The following LRGUK variants were observed in gnomAD, a reference collection of about 807,000 sequenced individuals.
The protein encoded by LRGUK is leucine rich repeats and guanylate kinase domain containing.
LRGUK carries 65 observed loss-of-function variants against 76.0 expected under a neutral mutation model. The ratio of observed to expected loss-of-function variants is 0.85; its 90% confidence interval spans 0.70 to 1.05. The LOEUF (loss-of-function observed/expected upper bound fraction) is 1.05, where lower values mean the gene tolerates loss of function less well. LRGUK is among the 50% of genes least tolerant of loss of function. LRGUK has a pLI of 0.00. For missense variants in LRGUK, 758 were observed against 732.8 expected, an observed-to-expected ratio of 1.03 and a Z score of -0.40; for synonymous variants, 268 against 265.6, an observed-to-expected ratio of 1.01 and a Z score of -0.09.
chr7:134,237,509 C>T (rs780213320), intron 16 of LRGUK, among the ~76,000 whole-genome samples: 4 of 152,154 alleles, frequency 2.6e-5, no homozygotes, highest in Non-Finnish European at 5.9e-5. Flanking sequence ...TTCATATTAT[C>T]TTACCTTTGG....
At chr7:134,210,524 G>T (rs902181989), downstream of LRGUK, among the ~76,000 whole-genome samples, 1 of 152,070 alleles carries the variant, frequency 6.6e-6, no homozygotes, top group African/African-American at 2.4e-5. Flanking sequence ...TAAAACTCCC[G>T]TCAATGGTGA....
chr7:134,239,546 G>T (rs1438104286), intron 16 of LRGUK, among the ~76,000 whole-genome samples: 4 of 152,344 alleles, frequency 2.6e-5, no homozygotes, highest in African/African-American at 4.8e-5. Flanking sequence ...AAACAAAGAG[G>T]CTGGGAAGCT....
chr7:134,139,717 T>A (rs1478187843), intron 3 of LRGUK, among the ~76,000 whole-genome samples, 200 bp downstream of exon 3: 1 of 152,198 alleles, frequency 6.6e-6, no homozygotes, highest in Non-Finnish European at 1.5e-5. Context: ...TATGATGATG[T>A]GGCTGAGATG....
intron 11 of LRGUK, among the ~76,000 whole-genome samples, chr7:134,186,187 C>T (rs2117031967): frequency 6.6e-6 from 1 of 152,280 alleles, no homozygotes; most frequent in Non-Finnish European, 1.5e-5. Context: ...CTGTGATATG[C>T]TACTGCTAAG....
At chr7:134,232,040 C>A (rs567961941) in intron 16 of LRGUK, among the ~76,000 whole-genome samples, 2 of 152,120 alleles carry the variant, frequency 1.3e-5, no homozygotes, top group South Asian at 4.2e-4. Context: ...TTTTCAATAT[C>A]AGCAGACATT....
chr7:134,170,062 G>A (rs1437097848), intron 7 of LRGUK, among the ~76,000 whole-genome samples: 2 of 151,950 alleles, frequency 1.3e-5, no homozygotes, highest in African/African-American at 4.8e-5. Context: ...GAGAAAAACA[G>A]TATTTTGCAT....
chr7:134,259,568 G>A (rs1011463924), intron 19 of LRGUK, among the ~76,000 whole-genome samples: 19 of 152,178 alleles, frequency 1.2e-4, no homozygotes. Context: ...GTCTCCAAAA[G>A]GAAGGGATTA....
chr7:134,172,078 A>G (rs1378997640), intron 7 of LRGUK, among the ~76,000 whole-genome samples: 1 of 152,166 alleles, frequency 6.6e-6, no homozygotes, highest in Non-Finnish European at 1.5e-5. Context: ...TTGTGGTAAT[A>G]TAATTTTGTA....
chr7:134,225,238 A>C (rs1320265703), intron 16 of LRGUK, among the ~76,000 whole-genome samples: 1 of 152,086 alleles, frequency 6.6e-6, no homozygotes, highest in Non-Finnish European at 1.5e-5. Context: ...GGAGAGGATA[A>C]AAAGGCAGTG....
At chr7:134,184,396 A>C (rs993809333) in intron 11 of LRGUK, among the ~76,000 whole-genome samples, 5 of 151,636 alleles carry the variant, frequency 3.3e-5, no homozygotes, top group African/African-American at 9.7e-5. Flanking sequence ...CAGCCTCCCA[A>C]GTAGCTGGGA....
intron 11 of LRGUK, among the ~76,000 whole-genome samples, chr7:134,187,853 C>G (rs1171493893): frequency 6.6e-6 from 1 of 152,168 alleles, no homozygotes; most frequent in Non-Finnish European, 1.5e-5. Flanking sequence ...TTTCTTAGAT[C>G]TCTATTTTAT....
exon 6 of LRGUK, chr7:134,158,104 A>G: frequency 7.4e-6 from 12 of 1,613,438 alleles, no homozygotes; most frequent in Non-Finnish European, 8.5e-6. Context: ...TTGGCCAACA[A>G]TAAGATCACG....
chr7:134,195,965 A>C (rs945077341), intron 12 of LRGUK, among the ~76,000 whole-genome samples: 3 of 152,062 alleles, frequency 2.0e-5, no homozygotes, highest in Non-Finnish European at 2.9e-5. Context: ...CTGGTCTCTG[A>C]CCTGTCTTCC....
chr7:134,198,005 A>C (rs1800580384), intron 13 of LRGUK, among the ~76,000 whole-genome samples: 1 of 152,164 alleles, frequency 6.6e-6, no homozygotes, highest in South Asian at 2.1e-4. Context: ...TTCGATGTCA[A>C]CTCTGAATCT....
intron 15 of LRGUK, among the ~76,000 whole-genome samples, chr7:134,207,071 G>A (rs891769165): frequency 2.0e-5 from 3 of 152,128 alleles, no homozygotes; most frequent in African/African-American, 7.2e-5. Context: ...AAAACCAAGA[G>A]AGATTAAGGA....
chr7:134,159,230 G>A (rs763635087), intron 6 of LRGUK, among the ~76,000 whole-genome samples: 8 of 151,700 alleles, frequency 5.3e-5, no homozygotes, highest in South Asian at 2.1e-4. Flanking sequence ...CAGCTACTTA[G>A]GAGGGCTGAA....
intron 1 of LRGUK, among the ~76,000 whole-genome samples, chr7:134,132,966 T>C (rs1048624357): frequency 6.6e-6 from 1 of 152,152 alleles, no homozygotes; most frequent in Non-Finnish European, 1.5e-5. Context: ...GATGGGCTAG[T>C]CAAGAAGGGG....
At chr7:134,207,945 G>C in intron 15 of LRGUK, among the ~76,000 whole-genome samples, 1 of 152,322 alleles carries the variant, frequency 6.6e-6, no homozygotes, top group East Asian at 1.9e-4. Context: ...CCAGAGATCA[G>C]TCACTCTGAG....
chr7:134,241,152 C>CA (rs2117192903), intron 16 of LRGUK, among the ~76,000 whole-genome samples: 1 of 152,238 alleles, frequency 6.6e-6, no homozygotes, highest in East Asian at 1.9e-4. Flanking sequence ...AACTAATGAG[C>CA]AAAATAACCA....
Sources: gnomAD v4.1 joint callset for allele counts (sites outside exome capture counted in the v4.1 genomes callset) on GRCh38, gnomAD v4.1.1 for gene constraint, MANE v1.5 for transcripts, NCBI Gene and HGNC (gene_info 2026-07-23, HGNC 2026-07-21) for gene names.